The following ERCC3 variants were observed in gnomAD, a reference collection of about 807,000 sequenced individuals.
ERCC3 encodes general transcription and DNA repair factor IIH helicase/translocase subunit XPB.
In ERCC3, 66 loss-of-function variants were observed where a neutral mutation model predicts 94.2. The ratio of observed to expected loss-of-function variants is 0.70; its 90% confidence interval spans 0.57 to 0.86. The LOEUF (loss-of-function observed/expected upper bound fraction) is 0.86, where lower values mean the gene tolerates loss of function less well. Among genes scored for constraint, ERCC3 ranks in the 40% least tolerant of loss-of-function variants. The probability of loss-of-function intolerance (pLI) is 0.00; values close to 1 mark genes in which losing one functional copy is unlikely to be tolerated. For missense variants in ERCC3, 829 were observed against 987.1 expected (o/e 0.84, Z 2.15); for synonymous variants, 349 against 369.1 (o/e 0.95, Z 0.63).
chr2:127,276,087 C>T lies in ERCC3; in HGVS notation c.1730+3086G>A, dbSNP rs552752758. ...TGGAGGCTTATTCTCCAGGGATGCCCGGCAGAGATGAGGGAAAAGGCAAGA... is the reference window on the plus strand; with the variant it reads ...TGGAGGCTTATTCTCCAGGGATGCCTGGCAGAGATGAGGGAAAAGGCAAGA... On this transcript the variant is annotated intron_variant, in intron 10 of 14. Transcript: ENST00000285398. 4.7e-4 allele frequency among the ~76,000 whole-genome samples: 72 copies of T among 152,252 alleles called. 1 individual carries two copies. Among genetic ancestry groups the T allele is most frequent in the African/African-American group, 1.6e-3 (67 of 41,548 alleles).
chr2:127,281,180 T>C (rs1684897864), intron 8 of ERCC3, among the ~76,000 whole-genome samples: 1 of 152,240 alleles, frequency 6.6e-6, no homozygotes. Context: ...CCCAGGTTAC[T>C]GAAAAGAAAG....
At chr2:127,290,461 A>C (rs1685230602) in intron 3 of ERCC3, 188 bp from the exon 4 acceptor site, 1 of 657,938 alleles carries the variant, frequency 1.5e-6, no homozygotes, top group Admixed American at 2.3e-5. Flanking sequence ...GCTTTCTGAG[A>C]ACAAAATCTT....
At position 127,259,434 on chromosome 2, in the gene ERCC3, G is replaced by A. The variant is rs1383977385; in HGVS notation, c.2079C>T (p.Leu693=). The change falls in exon 14 of 15, where the codon CTC becomes CTT. Residue 693 remains leucine (L), a synonymous_variant. Coordinates refer to ENST00000285398, the MANE Select transcript of ERCC3 (RefSeq NM_000122.2). This position sits in a 1 kb window ranked among gnomAD's most constrained non-coding sequence, Gnocchi z 4.9. ...CCAAGTCTTCCTCCTCCATGCCAGC[G>A]AGTTTCGTGATCACCTGCAAAGCCC... ...QGYSFKVITK[L]AGMEEEDLAF... The A allele has an allele frequency of 2.1e-5, 34 of 1,614,016 alleles. No individual in the cohort carries two copies. The African/African-American group carries it at 2.1e-4, about 10-fold the overall frequency.
intron 7 of ERCC3, among the ~76,000 whole-genome samples, chr2:127,288,374 C>A (rs1685149494): frequency 6.6e-6 from 1 of 152,202 alleles, no homozygotes; most frequent in Non-Finnish European, 1.5e-5. Flanking sequence ...GACTCTAGCA[C>A]CACCCAAGGT....
intron 3 of ERCC3, chr2:127,290,769 C>T (rs1685242080): frequency 5.0e-6 from 1 of 199,662 alleles, no homozygotes; most frequent in South Asian, 8.5e-5. Flanking sequence ...ACAGTAGAGG[C>T]TGTGTGGCAA....
Position 127,288,770 on chromosome 2 carries a change from A to G in ERCC3, c.917T>C (p.Ile306Thr). ...AGCTGTGGGCTTTAGGTCAATGTTG[A>G]TATCAGGGTTGACAGAATCATTCCG... The part of the protein sequence containing the change: ...DFRNDSVNPD[I>T]NIDLKPTAVL... Residue 306 changes from isoleucine to threonine, a missense_variant, in exon 7 of 15, where the codon ATC becomes ACC. By Grantham distance (89) the Ile-to-Thr change is moderately conservative. Transcript: ENST00000285398. 2 of 1,614,086 alleles carry G rather than the reference A, an allele frequency of 1.2e-6. No homozygotes were observed. Among genetic ancestry groups the G allele is most frequent in the Non-Finnish European group, 1.7e-6 (2 of 1,179,966 alleles).
At chr2:127,265,176 A>G (rs1573932267) in intron 12 of ERCC3, among the ~76,000 whole-genome samples, 1 of 151,846 alleles carries the variant, frequency 6.6e-6, no homozygotes, top group African/African-American at 2.4e-5. Flanking sequence ...TACTGATTCA[A>G]TTTCTCCTTA....
intron 11 of ERCC3, among the ~76,000 whole-genome samples, chr2:127,272,059 C>T (rs899352665): frequency 7.7e-6 from 1 of 129,474 alleles, no homozygotes; most frequent in African/African-American, 3.1e-5. Context: ...GCTCTTGTTG[C>T]CTAGGCTGGA....
In ERCC3 at chr2:127,289,769, C is replaced by T. The variant is rs144491407; in HGVS notation, c.577G>A (p.Val193Met). The T allele has an allele frequency of 9.3e-6, 15 of 1,613,918 alleles. No individual in the cohort carries two copies. The African/African-American group carries it at 1.5e-4, about 16-fold the overall frequency. ...DVIQHLLQDP[V>M]IRECRLRNSE... Reference sequence around the variant, plus strand: ...TTTCTTAAGCGGCATTCTCGGATCACGGGGTCCTGGAGAAGATGCTGGATT... The same window carrying T: ...TTTCTTAAGCGGCATTCTCGGATCATGGGGTCCTGGAGAAGATGCTGGATT... The change falls in exon 5 of 15, where the codon GTG becomes ATG. Residue 193 changes from valine to methionine, a missense_variant. Transcript: ENST00000285398.
rs1684173742 is a variant in ERCC3, at chr2:127,261,014, A to G, written c.2064+214T>C. On this transcript the variant is annotated intron_variant, in intron 13 of 14. Coordinates refer to ENST00000285398, the MANE Select transcript of ERCC3 (RefSeq NM_000122.2). ...CTCAGATTCACACAGTGCTGGTCATAGTGCCATGGCACCTCAGTCCTGCCA... is the reference window on the plus strand; with the variant it reads ...CTCAGATTCACACAGTGCTGGTCATGGTGCCATGGCACCTCAGTCCTGCCA... The G allele has an allele frequency of 5.2e-6, 3 of 578,074 alleles. No homozygotes were observed. In the South Asian group the frequency reaches 5.7e-5, roughly 11 times the overall value. The allele number at this position is 578,074 out of a possible 1,614,324, so 35.8% of individuals were successfully genotyped here.
At position 127,257,654 on chromosome 2, in the gene ERCC3, G is replaced by A. The variant is rs189511674; in HGVS notation, c.2291C>T (p.Ser764Leu). ...DDTVYMEYHS[S>L]RSKAPSKHVH... ...ATGTTTGCTGGGCGCCTTGCTCCGCGATGAGTGGTACTCCATGTACACAGT... is the reference window on the plus strand; with the variant it reads ...ATGTTTGCTGGGCGCCTTGCTCCGCAATGAGTGGTACTCCATGTACACAGT... Residue 764 changes from serine (S) to leucine (L), a missense_variant, in exon 15 of 15, where the codon TCG (serine) becomes TTG (leucine). Ser to Leu is a moderately radical substitution (Grantham distance 145). Transcript: ENST00000285398. The surrounding 1 kb of genome is among the most constrained non-coding windows in gnomAD (Gnocchi z 5.4). The A allele has an allele frequency of 1.7e-5, 28 of 1,614,156 alleles. No individual in the cohort carries two copies. In the East Asian group the frequency reaches 4.0e-4, roughly 23 times the overall value.
rs576320966 is a variant in ERCC3, at chr2:127,261,758, C to A, written c.1946-412G>T. Reference sequence around the variant, plus strand: ...CATTAATCACCAGGGAAATGCAACTCAAAAGCACAATGAGATTATCACCTC... The same window carrying A: ...CATTAATCACCAGGGAAATGCAACTAAAAAGCACAATGAGATTATCACCTC... On this transcript the variant is annotated intron_variant, in intron 12 of 14. Transcript: ENST00000285398. 6 of 269,366 alleles carry A rather than the reference C, an allele frequency of 2.2e-5. No homozygotes were observed. In the South Asian group the frequency reaches 2.5e-4, roughly 11 times the overall value. 16.7% of individuals were successfully genotyped at this position (269,366 alleles called of 1,614,324 possible).
chr2:127,273,578 C>T (rs561634256), intron 10 of ERCC3, among the ~76,000 whole-genome samples: 1 of 151,798 alleles, frequency 6.6e-6, no homozygotes, highest in South Asian at 2.1e-4. Flanking sequence ...GAAGAAACCC[C>T]GTCTCTACCA....
chr2:127,292,608 G>A lies in ERCC3; in HGVS notation c.471+2C>T. ...GAATTGCTGGTCTCAGCTGTCACTT[G>A]CCTTAATAAACTGCATAATTCCATC... On this transcript the variant is annotated splice_donor_variant, in intron 3 of 14. Coordinates refer to ENST00000285398, the MANE Select transcript of ERCC3 (RefSeq NM_000122.2). LOFTEE classifies it low-confidence loss of function (GC_TO_GT_DONOR). 1 of 1,587,804 alleles carries A rather than the reference G, an allele frequency of 6.3e-7. No homozygotes were observed.
intron 10 of ERCC3, 21 bp from the exon 11 acceptor site, chr2:127,272,982 G>C (rs900767236): frequency 6.3e-6 from 9 of 1,434,410 alleles, no homozygotes; most frequent in Non-Finnish European, 8.9e-6. Context: ...ATGAAGCTGT[G>C]TTAGACCACA....
In ERCC3 at chr2:127,284,601, C is replaced by T. The variant is rs1685009062; in HGVS notation, c.1342+2102G>A. ...GCTGGGGCCATTTTGACATTTTGAA[C>T]ACTACCTGTGAAAATGCCTCAGATT... is the stretch of plus-strand genomic sequence containing the variant. On this transcript the variant is annotated intron_variant, in intron 8 of 14. Transcript: ENST00000285398. The surrounding 1 kb of genome is among the most constrained non-coding windows in gnomAD (Gnocchi z 4.1). 1.3e-5 allele frequency among the ~76,000 whole-genome samples: 2 copies of T among 152,212 alleles called. No individual in the cohort carries two copies. Among genetic ancestry groups the T allele is most frequent in the South Asian group, 4.1e-4 (2 of 4,834 alleles).
At chr2:127,292,354 C>T (rs571786007) in intron 3 of ERCC3, 5 of 561,616 alleles carry the variant, frequency 8.9e-6, no homozygotes, top group Middle Eastern at 4.8e-4. Flanking sequence ...CAGCTGGGAG[C>T]GGCTCATGAG....
At chr2:127,289,254 C>A (rs1685183629) in intron 6 of ERCC3, 83 bp downstream of exon 6, 1 of 1,266,064 alleles carries the variant, frequency 7.9e-7, no homozygotes, top group South Asian at 1.2e-5. Flanking sequence ...TTCACACAGA[C>A]TACAGGCAGA....
At chr2:127,270,018 C>CAA (rs1684501044) in intron 12 of ERCC3, among the ~76,000 whole-genome samples, 1 of 150,372 alleles carries the variant, frequency 6.7e-6, no homozygotes, top group Non-Finnish European at 1.5e-5. Flanking sequence ...AAGACTCTAT[C>CAA]TCAATCAATC....
Sources: gnomAD v4.1 joint callset for allele counts (sites outside exome capture counted in the v4.1 genomes callset) on GRCh38, gnomAD v4.1.1 for gene constraint, Gnocchi (gnomAD v3.1) non-coding constraint, MANE v1.5 for transcripts, NCBI Gene and HGNC (gene_info 2026-07-23, HGNC 2026-07-21) for gene names.